Variants in IFT43 observed in about 807,000 individuals in gnomAD.
The protein encoded by IFT43 is intraflagellar transport protein 43 homolog.
IFT43 carries 33 observed loss-of-function variants against 32.3 expected under a neutral mutation model. That is an observed-to-expected ratio of 1.02 (90% CI 0.77 to 1.37). IFT43 has a LOEUF of 1.37. Ranked by LOEUF, IFT43 falls within the 40% of genes most tolerant of loss-of-function variation. The pLI, the probability that IFT43 is intolerant of heterozygous loss-of-function variation, is 0.00. For missense variants in IFT43, 274 were observed against 265.9 expected (o/e 1.03, Z -0.21); for synonymous variants, 93 against 98.2 (o/e 0.95, Z 0.31).
rs770722578 is a variant in IFT43, at chr14:76,058,701, T to C, written c.248+27T>C. ...TACGTTTCCAGTATTCTTATTCTTA[T>C]GGTATCCTATGTTGATCTTGGTCAA... On this transcript the variant is annotated intron_variant, in intron 4 of 8. Transcript: ENST00000314067. 27 of 1,611,594 alleles carry C rather than the reference T, an allele frequency of 1.7e-5. No homozygotes were observed. The South Asian group carries it at 2.6e-4, about 16-fold the overall frequency.
intron 2 of IFT43, among the ~76,000 whole-genome samples, chr14:76,014,327 A>G (rs2036142145): frequency 6.6e-6 from 1 of 152,172 alleles, no homozygotes; most frequent in Non-Finnish European, 1.5e-5. Flanking sequence ...AAAATTTAAG[A>G]TGTTCTAAAA....
chr14:76,028,205 T>C (rs1020643264), intron 3 of IFT43, among the ~76,000 whole-genome samples: 8 of 152,178 alleles, frequency 5.3e-5, no homozygotes, highest in Non-Finnish European at 1.0e-4. Flanking sequence ...GCAAAGGTTC[T>C]TTTTTTCCTT....
Position 76,083,273 on chromosome 14 carries a change from A to C in IFT43, c.491A>C (p.Glu164Ala). 1 of 1,613,940 alleles carries C rather than the reference A, an allele frequency of 6.2e-7. No homozygotes were observed. The highest frequency in any genetic ancestry group is 8.5e-7 in the Non-Finnish European group (1 of 1,179,846). The change falls in exon 8 of 9, where the codon GAG becomes GCG. Residue 164 changes from glutamate to alanine, a missense_variant. Transcript: ENST00000314067. ...LKLLTKVLAPEHEVREDDVGW... is the reference protein window; with the variant it reads ...LKLLTKVLAPAHEVREDDVGW... ...CTCCTCACCAAAGTGCTCGCGCCGG[A>C]GCACGAAGTCCGGGAGGTACAGTGG...
chr14:76,039,417 C>T (rs1215696810), intron 3 of IFT43, among the ~76,000 whole-genome samples: 1 of 152,166 alleles, frequency 6.6e-6, no homozygotes, highest in African/African-American at 2.4e-5. Flanking sequence ...CCTTGGTCTC[C>T]CAAAAGTGCT....
chr14:76,026,891 G>A (rs960776240), intron 3 of IFT43, among the ~76,000 whole-genome samples: 3 of 152,044 alleles, frequency 2.0e-5, no homozygotes, highest in African/African-American at 7.3e-5. Context: ...CCATGGAATA[G>A]TATGTAGCCA....
chr14:75,995,684 G>A (rs2035731103), intron 2 of IFT43, among the ~76,000 whole-genome samples: 1 of 152,028 alleles, frequency 6.6e-6, no homozygotes, highest in African/African-American at 2.4e-5. Flanking sequence ...GACCCTTTTT[G>A]GTGACATTTT....
intron 2 of IFT43, among the ~76,000 whole-genome samples, chr14:75,993,063 C>T (rs531796043): frequency 6.6e-6 from 1 of 152,280 alleles, no homozygotes; most frequent in East Asian, 1.9e-4. Flanking sequence ...GCTGGAAAGA[C>T]AAAGTGATAT....
chr14:76,027,242 A>T (rs947097048), intron 3 of IFT43, among the ~76,000 whole-genome samples: 17 of 151,996 alleles, frequency 1.1e-4, no homozygotes, highest in East Asian at 1.9e-4. Context: ...AAGTTAAATT[A>T]AAAAAAACCA....
At chr14:76,011,700 G>C (rs930144157) in intron 2 of IFT43, among the ~76,000 whole-genome samples, 3 of 152,130 alleles carry the variant, frequency 2.0e-5, no homozygotes, top group Non-Finnish European at 2.9e-5. Flanking sequence ...CAGCTTGAGA[G>C]AACTATGTTT....
intron 5 of IFT43, among the ~76,000 whole-genome samples, chr14:76,065,008 T>A (rs1360072703): frequency 1.3e-5 from 2 of 152,318 alleles, no homozygotes; most frequent in African/African-American, 2.4e-5. Context: ...TTTACACATG[T>A]TATAAATACA....
intron 2 of IFT43, among the ~76,000 whole-genome samples, chr14:76,003,772 G>C (rs115544001): frequency 6.6e-6 from 1 of 151,676 alleles, no homozygotes; most frequent in African/African-American, 2.4e-5. Context: ...ACAGTTTGTC[G>C]GGTTTTTGTT....
Position 76,058,628 on chromosome 14 carries a change from T to C in IFT43, c.216-14T>C, listed in dbSNP as rs199603544. On this transcript the variant is annotated splice_polypyrimidine_tract_variant and intron_variant, in intron 3 of 8. Coordinates refer to ENST00000314067, the MANE Select transcript of IFT43 (RefSeq NM_001102564.3). ...GGGCTCTCAAAAACCTTGTCTTTTC[T>C]TTTTTTTTTTCAGGTTTAGGAGGAA... 7 of 479,870 alleles carry C rather than the reference T, an allele frequency of 1.5e-5. No individual in the cohort carries two copies. Among genetic ancestry groups the C allele is most frequent in the Middle Eastern group, 4.4e-4 (1 of 2,294 alleles). The allele number at this position is 479,870 out of a possible 1,614,324, so 29.7% of individuals were successfully genotyped here. A position where few individuals can be genotyped will look rare whatever the true frequency, so the allele number is the denominator to read the frequency against.
chr14:76,076,597 C>A (rs751122392), intron 5 of IFT43: 1 of 1,613,840 alleles, frequency 6.2e-7, no homozygotes, highest in Non-Finnish European at 8.5e-7. Flanking sequence ...TCTGTTCTAG[C>A]GGTACCCAAA....
chr14:76,026,331 G>A (rs1220586354), intron 3 of IFT43, among the ~76,000 whole-genome samples: 1 of 152,096 alleles, frequency 6.6e-6, no homozygotes, highest in African/African-American at 2.4e-5. Flanking sequence ...GGCCAAGGTG[G>A]GTGAATCACC....
intron 2 of IFT43, among the ~76,000 whole-genome samples, chr14:76,007,678 A>T (rs1214307084): frequency 6.6e-6 from 1 of 152,230 alleles, no homozygotes; most frequent in African/African-American, 2.4e-5. Context: ...TTTAATAAAC[A>T]GAAAGGAGTT....
intron 3 of IFT43, among the ~76,000 whole-genome samples, chr14:76,044,283 G>A (rs1031552086): frequency 2.6e-5 from 4 of 151,904 alleles, no homozygotes; most frequent in Non-Finnish European, 2.9e-5. Flanking sequence ...CAAGTGATCC[G>A]CCTGCCTCAG....
In IFT43 at chr14:75,986,881, T is replaced by C. The variant is rs534607777; in HGVS notation, c.54+1041T>C. On this transcript the variant is annotated intron_variant, in intron 1 of 8. Transcript: ENST00000314067. ...TAGTACCTGGGGATGTGAATGTAGTTATTCATTCATTCAACAAATATTTAT... is the reference window on the plus strand; with the variant it reads ...TAGTACCTGGGGATGTGAATGTAGTCATTCATTCATTCAACAAATATTTAT... Among the ~76,000 whole-genome samples, 199 of 152,360 alleles carry C rather than the reference T, an allele frequency of 1.3e-3. 3 individuals carry two copies. The South Asian group carries it at 0.019, about 15-fold the overall frequency.
rs143266337 is a variant in IFT43 at position 75,992,785 on chromosome 14, C to T, written c.147+3808C>T. ...CAAACTCCTGGCCTCAATCGATCCT[C>T]CTGCCTTGGCTTCCCAAAGTGCTGG... is the stretch of plus-strand genomic sequence containing the variant. On this transcript the variant is annotated intron_variant, in intron 2 of 8. Coordinates refer to ENST00000314067, the MANE Select transcript of IFT43 (RefSeq NM_001102564.3). 1.8e-3 allele frequency among the ~76,000 whole-genome samples: 280 copies of T among 152,318 alleles called. 1 individual carries two copies. Among genetic ancestry groups the T allele is most frequent in the Middle Eastern group, 6.8e-3 (2 of 294 alleles).
At chr14:76,034,384 C>A (rs2036561896) in intron 3 of IFT43, among the ~76,000 whole-genome samples, 1 of 152,082 alleles carries the variant, frequency 6.6e-6, no homozygotes, top group African/African-American at 2.4e-5. Context: ...TCATCTAAAC[C>A]TAATCAGCTC....
Sources: allele counts gnomAD v4.1 joint callset (sites outside exome capture counted in the v4.1 genomes callset), GRCh38; gene constraint gnomAD v4.1.1; transcripts MANE v1.5; gene names NCBI Gene and HGNC (gene_info 2026-07-23, HGNC 2026-07-21).